URB1: variants seen among roughly 807,000 people sequenced by gnomAD.
URB1 encodes nucleolar pre-ribosomal-associated protein 1.
URB1 carries 197 observed loss-of-function variants against 242.3 expected under a neutral mutation model. The ratio of observed to expected loss-of-function variants is 0.81; its 90% confidence interval spans 0.72 to 0.91. The LOEUF is 0.91. URB1 is among the 40% of genes least tolerant of loss of function. The pLI is 0.00. For synonymous variants in URB1, 1,153 were observed against 1,201.8 expected, an observed-to-expected ratio of 0.96 and a Z score of 0.84; for missense variants, 2,721 against 2,860.5, an observed-to-expected ratio of 0.95 and a Z score of 1.11.
At chr21:32,377,692 G>C (rs78360015) in intron 5 of URB1, among the ~76,000 whole-genome samples, 226 of 152,196 alleles carry the variant, frequency 1.5e-3, no homozygotes, top group African/African-American at 5.4e-3. Flanking sequence ...CGGCAGTCAC[G>C]TTCCAGGGGC....
chr21:32,347,739 G>A lies in URB1; in HGVS notation c.3085C>T (p.Gln1029Ter). 1 of 1,549,962 alleles carries A rather than the reference G, an allele frequency of 6.5e-7. No individual in the cohort carries two copies. Among genetic ancestry groups the A allele is most frequent in the East Asian group, 2.4e-5 (1 of 40,916 alleles). ...CTGAGCGTGTGCGGCGGGAGGGCCTGCTGCTCCAGGGCCAGGAACCAGCCC... is the reference window on the plus strand; with the variant it reads ...CTGAGCGTGTGCGGCGGGAGGGCCTACTGCTCCAGGGCCAGGAACCAGCCC... ...LEGWFLALEQQALPPHTLSPV... is the reference protein window; with the variant it reads ...LEGWFLALEQ Residue 1029 changes from glutamine to a stop codon, truncating the protein, a stop_gained, in exon 22 of 39, where the codon CAG (glutamine) becomes TAG (stop). Transcript: ENST00000382751. LOFTEE classifies it high-confidence loss of function.
rs1452450946 is a variant in URB1 at position 32,312,170 on chromosome 21, G to A, written c.*2748C>T. The A allele has an allele frequency of 5.9e-6, 9 of 1,512,876 alleles. No individual in the cohort carries two copies. The Admixed American group carries it at 1.0e-4, about 17-fold the overall frequency. The allele number at this position is 1,512,876 out of a possible 1,614,324, so 93.7% of individuals were successfully genotyped here. On this transcript the variant is annotated 3_prime_UTR_variant, in exon 39 of 39. Coordinates refer to ENST00000382751, the MANE Select transcript of URB1 (RefSeq NM_014825.3). ...TTGACAAAGATTGCAGTGGCCCCTCGAGTGCAGAGGTCATCCCAGGTGTTG... is the reference window on the plus strand; with the variant it reads ...TTGACAAAGATTGCAGTGGCCCCTCAAGTGCAGAGGTCATCCCAGGTGTTG...
At position 32,384,587 on chromosome 21, in the gene URB1, G is replaced by A. The variant is rs563820364; in HGVS notation, c.283-123C>T. The A allele has an allele frequency of 1.3e-5, 17 of 1,281,348 alleles. No homozygotes were observed. In the East Asian group the frequency reaches 1.8e-4, roughly 14 times the overall value. 79.4% of individuals were successfully genotyped at this position (1,281,348 alleles called of 1,614,324 possible). On this transcript the variant is annotated intron_variant, in intron 2 of 38. Transcript: ENST00000382751. ...TAAAGCCTTCAACATGCAGGATGAC[G>A]CCCACCCAGATCCTGAGTCAAACGC...
chr21:32,340,450 A>G (rs1322632517), intron 25 of URB1, among the ~76,000 whole-genome samples: 1 of 152,060 alleles, frequency 6.6e-6, no homozygotes, highest in Non-Finnish European at 1.5e-5. Context: ...CGTCTCTACT[A>G]AAAATACAAA....
At position 32,350,913 on chromosome 21, in the gene URB1, C is replaced by T. The variant is rs1601139129; in HGVS notation, c.2623G>A (p.Ala875Thr). The T allele has an allele frequency of 6.5e-7, 1 of 1,545,880 alleles. No homozygotes were observed. The change falls in exon 20 of 39, where the codon GCA becomes ACA. Residue 875 changes from alanine (A) to threonine (T), a missense_variant. By Grantham distance (58) the Ala-to-Thr change is moderately conservative. Transcript: ENST00000382751. ...GCAGGGGGCGAGGGGCTGCCCTGTG[C>T]CTGCAGCAGCTGAGGGAGACAGCAA... ...EQAREAWLLQ[A>T]QGSPSPPALP...
At chr21:32,384,491 G>C (rs2033560032) in intron 2 of URB1, 27 bp from the exon 3 acceptor site, 1 of 1,544,626 alleles carries the variant, frequency 6.5e-7, no homozygotes, top group African/African-American at 1.4e-5. Context: ...GAAACGCTTA[G>C]AAATCGTCTC....
chr21:32,345,083 C>A (rs2033070906), intron 23 of URB1, among the ~76,000 whole-genome samples: 1 of 152,130 alleles, frequency 6.6e-6, no homozygotes, highest in African/African-American at 2.4e-5. Flanking sequence ...AAGCAACACC[C>A]TCTCATCCTA....
At chr21:32,322,218 A>G (rs1398695437) in intron 33 of URB1, among the ~76,000 whole-genome samples, 1 of 152,224 alleles carries the variant, frequency 6.6e-6, no homozygotes, top group Non-Finnish European at 1.5e-5. Flanking sequence ...TTAATATTTA[A>G]CCCAGTGATT....
rs988142407 is a variant in URB1 at position 32,311,534 on chromosome 21, G to A, written c.*3384C>T. 6.1e-6 allele frequency: 7 copies of A among 1,143,166 alleles called. No individual in the cohort carries two copies. The African/African-American group carries it at 1.1e-4, about 18-fold the overall frequency. 70.8% of individuals were successfully genotyped at this position (1,143,166 alleles called of 1,614,324 possible). On this transcript the variant is annotated 3_prime_UTR_variant, in exon 39 of 39. Coordinates refer to ENST00000382751, the MANE Select transcript of URB1 (RefSeq NM_014825.3). ...TTCTCTAGAATGGCCACCTTTGTGA[G>A]CTGGCTGACCCTTCTCAGGAATTTG...
intron 29 of URB1, 146 bp from the exon 30 acceptor site, chr21:32,333,565 G>C (rs1366991424): frequency 3.1e-6 from 2 of 645,954 alleles, no homozygotes; most frequent in African/African-American, 3.7e-5. Flanking sequence ...TTGGGGATGG[G>C]AGCCAAGTTT....
intron 6 of URB1, among the ~76,000 whole-genome samples, chr21:32,375,091 T>A (rs990440499): frequency 6.6e-6 from 1 of 152,252 alleles, no homozygotes; most frequent in Admixed American, 6.5e-5. Context: ...TTATTTATAA[T>A]TTACAGCTCA....
intron 1 of URB1, among the ~76,000 whole-genome samples, chr21:32,387,415 C>T (rs1262567886): frequency 6.6e-6 from 1 of 152,042 alleles, no homozygotes; most frequent in Admixed American, 6.5e-5. Context: ...GAGACTCCGT[C>T]TCAAAAACAA....
intron 10 of URB1, 55 bp downstream of exon 10, chr21:32,366,563 G>T: frequency 6.5e-7 from 1 of 1,545,400 alleles, no homozygotes. Flanking sequence ...ACATCATGTA[G>T]CCAGCGAGTT....
At chr21:32,349,998 C>T (rs987112517) in intron 20 of URB1, among the ~76,000 whole-genome samples, 9 of 151,954 alleles carry the variant, frequency 5.9e-5, no homozygotes, top group East Asian at 1.9e-4. Context: ...GGGAGGCTGA[C>T]GGTTGCAGTG....
At chr21:32,344,899 T>G in intron 23 of URB1, 143 bp from the exon 24 acceptor site, 2 of 1,046,644 alleles carry the variant, frequency 1.9e-6, no homozygotes, top group Non-Finnish European at 2.7e-6. Context: ...ATCACAGGCT[T>G]CCCTGGACTC....
In URB1 at chr21:32,392,984, G is replaced by C. The variant is rs1199879365; in HGVS notation, c.-74C>G. ...GGCAGGAGCACTGGCACAGACAGCA[G>C]ACACGCGCTTCAGGCCCACATGGCG... On this transcript the variant is annotated 5_prime_UTR_variant, in exon 1 of 39. Coordinates refer to ENST00000382751, the MANE Select transcript of URB1 (RefSeq NM_014825.3). 2 of 1,416,558 alleles carry C rather than the reference G, an allele frequency of 1.4e-6. No individual in the cohort carries two copies. The highest frequency in any genetic ancestry group is 2.9e-5 in the African/African-American group (2 of 67,868). 87.7% of individuals were successfully genotyped at this position (1,416,558 alleles called of 1,614,324 possible).
chr21:32,319,291 C>T lies in URB1; in HGVS notation c.5718G>A (p.Glu1906=), dbSNP rs1203432975. The T allele has an allele frequency of 6.4e-7, 1 of 1,551,240 alleles. No individual in the cohort carries two copies. The highest frequency in any genetic ancestry group is 8.7e-7 in the Non-Finnish European group (1 of 1,146,756). ...GGTGCAGGGCAAGCCGCTTGGCAGG[C>T]TCCTGGGAGCTAGGCTGGCAAAGGC... The part of the protein sequence containing the change: ...SQRLCQPSSQ[E]PAKRLALHLV... Residue 1906 remains glutamate, a synonymous_variant, in exon 36 of 39, where the codon GAG becomes GAA. Coordinates refer to ENST00000382751, the MANE Select transcript of URB1 (RefSeq NM_014825.3).
At chr21:32,330,197 GTTTTTT>G (rs34078592) in intron 30 of URB1, among the ~76,000 whole-genome samples, 6 of 84,700 alleles carry the variant, frequency 7.1e-5, no homozygotes, top group Admixed American at 4.2e-4. Context: ...TTTGGGGAGT[GTTTTTT>G]TTTTTTTTTT....
At chr21:32,330,722 CCTGGCCACTGACTA>C (rs1208440770) in intron 30 of URB1, among the ~76,000 whole-genome samples, 1 of 152,228 alleles carries the variant, frequency 6.6e-6, no homozygotes, top group Non-Finnish European at 1.5e-5. Flanking sequence ...AGAAGAGCTT[CCTGGCCACTGACTA>C]GGAGATCTGC....
Sources: allele counts gnomAD v4.1 joint callset (sites outside exome capture counted in the v4.1 genomes callset), GRCh38; gene constraint gnomAD v4.1.1; transcripts MANE v1.5; gene names NCBI Gene and HGNC (gene_info 2026-07-23, HGNC 2026-07-21).